Variants in ETFDH observed in about 807,000 individuals in gnomAD.
ETFDH encodes electron transfer flavoprotein dehydrogenase.
A neutral mutation model predicts 73.2 loss-of-function variants in ETFDH; 61 were observed. The observed-to-expected ratio is 0.83, with a 90% CI of 0.68 to 1.03. The LOEUF is 1.03. Among genes scored for constraint, ETFDH ranks in the 50% least tolerant of loss-of-function variants. The probability of loss-of-function intolerance (pLI) is 0.00; values close to 1 mark genes in which losing one functional copy is unlikely to be tolerated. For synonymous variants in ETFDH, 243 were observed against 253.3 expected (o/e 0.96, Z 0.39); for missense variants, 685 against 745.0 (o/e 0.92, Z 0.94).
At chr4:158,686,217 A>T (rs1774000357) in intron 5 of ETFDH, among the ~76,000 whole-genome samples, 1 of 152,140 alleles carries the variant, frequency 6.6e-6, no homozygotes, top group Non-Finnish European at 1.5e-5. Context: ...ATTTTAGCCT[A>T]TCATTTTCTG....
At chr4:158,701,855 A>G (rs1455374451) in intron 9 of ETFDH, among the ~76,000 whole-genome samples, 1 of 152,230 alleles carries the variant, frequency 6.6e-6, no homozygotes, top group East Asian at 1.9e-4. Flanking sequence ...TTCAGTTGCC[A>G]TATTGTGGGC....
At chr4:158,683,838 G>C (rs1773929022) in intron 3 of ETFDH, among the ~76,000 whole-genome samples, 1 of 152,160 alleles carries the variant, frequency 6.6e-6, no homozygotes, top group South Asian at 2.1e-4. Flanking sequence ...CTACAGGCCT[G>C]TGAGCCACCA....
At chr4:158,689,636 A>ATATATTTT (rs765147554) in intron 5 of ETFDH, among the ~76,000 whole-genome samples, 1 of 63,676 alleles carries the variant, frequency 1.6e-5, no homozygotes, top group African/African-American at 6.1e-5. Flanking sequence ...ATATATATAT[A>ATATATTTT]TTGTGGGGGG....
rs1774737079 is a variant in ETFDH at position 158,709,435 on chromosome 4, G to C, written c.*908G>C. On this transcript the variant is annotated 3_prime_UTR_variant, in exon 13 of 13. Coordinates refer to ENST00000511912, the MANE Select transcript of ETFDH (RefSeq NM_004453.4). ...TAATCCCAGCTACTTGGGAAGCTGA[G>C]GCAGGAGAATTGCTTGAACCCGGGA... The C allele has an allele frequency of 5.1e-6, 1 of 196,354 alleles. No homozygotes were observed. Among genetic ancestry groups the C allele is most frequent in the South Asian group, 1.2e-4 (1 of 8,264 alleles). 12.2% of individuals were successfully genotyped at this position (196,354 alleles called of 1,614,324 possible). A position where few individuals can be genotyped will look rare whatever the true frequency, so the allele number is the denominator to read the frequency against.
intron 9 of ETFDH, 48 bp downstream of exon 9, chr4:158,699,178 G>GAAT: frequency 6.8e-7 from 1 of 1,462,232 alleles, no homozygotes; most frequent in Non-Finnish European, 9.6e-7. Context: ...TATAAATTCA[G>GAAT]AATTGAACAT....
intron 2 of ETFDH, 141 bp from the exon 3 acceptor site, chr4:158,682,054 G>T: frequency 9.1e-7 from 1 of 1,095,844 alleles, no homozygotes. Context: ...ACAGTAATAT[G>T]CTTAATATAA....
At position 158,695,441 on chromosome 4, in the gene ETFDH, T is replaced by G. The variant is rs1774283414; in HGVS notation, c.685-56T>G. 11 of 1,438,828 alleles carry G rather than the reference T, an allele frequency of 7.6e-6. No homozygotes were observed. In the South Asian group the frequency reaches 8.1e-5, roughly 11 times the overall value. 89.1% of individuals were successfully genotyped at this position (1,438,828 alleles called of 1,614,324 possible). A position where few individuals can be genotyped will look rare whatever the true frequency, so the allele number is the denominator to read the frequency against. On this transcript the variant is annotated intron_variant, in intron 6 of 12. Transcript: ENST00000511912. ...TAGTTCAATTTAAATCTGACCAGAA[T>G]GTGAATGTATTTTAAATTGTCAAAT...
intron 6 of ETFDH, among the ~76,000 whole-genome samples, 190 bp from the exon 7 acceptor site, chr4:158,695,307 G>A (rs1186646852): frequency 6.6e-6 from 1 of 151,836 alleles, no homozygotes; most frequent in Non-Finnish European, 1.5e-5. Context: ...ATTTCCATGA[G>A]GTATTTTAAG....
chr4:158,686,809 AGGG>A (rs1774016698), intron 5 of ETFDH, among the ~76,000 whole-genome samples: 2 of 152,272 alleles, frequency 1.3e-5, no homozygotes, highest in Admixed American at 6.5e-5. Flanking sequence ...TACTCAGCAT[AGGG>A]GCTGAGTGCC....
intron 12 of ETFDH, among the ~76,000 whole-genome samples, chr4:158,707,749 C>T (rs1296084515): frequency 6.6e-6 from 1 of 152,132 alleles, no homozygotes; most frequent in East Asian, 1.9e-4. Flanking sequence ...TCAGAGATGC[C>T]ATAAAGTGCT....
intron 7 of ETFDH, among the ~76,000 whole-genome samples, chr4:158,696,896 G>A (rs969420861): frequency 6.6e-6 from 1 of 152,092 alleles, no homozygotes; most frequent in African/African-American, 2.4e-5. Flanking sequence ...TACCAGTACC[G>A]CAGAACTTTC....
chr4:158,706,500 A>T, intron 11 of ETFDH, 129 bp downstream of exon 11: 2 of 1,091,472 alleles, frequency 1.8e-6, no homozygotes, highest in South Asian at 1.3e-5. Context: ...TAAGAACAGT[A>T]TATTATTACT....
At chr4:158,676,291 C>T (rs1200202747) in intron 1 of ETFDH, among the ~76,000 whole-genome samples, 2 of 151,872 alleles carry the variant, frequency 1.3e-5, no homozygotes. Flanking sequence ...GGGAGCCAAA[C>T]GACCAGATGA....
At chr4:158,703,986 C>G (rs1774537626) in intron 10 of ETFDH, among the ~76,000 whole-genome samples, 1 of 152,144 alleles carries the variant, frequency 6.6e-6, no homozygotes, top group Non-Finnish European at 1.5e-5. Flanking sequence ...GTAATCCCAG[C>G]TACTTGGGAG....
intron 8 of ETFDH, 29 bp from the exon 9 acceptor site, chr4:158,698,958 C>T: frequency 6.9e-7 from 1 of 1,439,176 alleles, no homozygotes; most frequent in Non-Finnish European, 9.8e-7. Flanking sequence ...ATAAAAATGT[C>T]TAATTAAATA....
At chr4:158,684,803 C>A in intron 4 of ETFDH, 130 bp downstream of exon 4, 1 of 697,092 alleles carries the variant, frequency 1.4e-6, no homozygotes, top group South Asian at 1.6e-5. Flanking sequence ...TTACTCAAAG[C>A]TATACAGCTA....
In ETFDH at chr4:158,706,318, G is replaced by C. The variant is rs768181815; in HGVS notation, c.1415G>C (p.Gly472Ala). ...GTATATGGAGGGATGATTTACACTG[G>C]AATCTTTTACTGGATATTGAGAGGA... ...LGVYGGMIYT[G>A]IFYWILRGME... The change falls in exon 11 of 13, where the codon GGA becomes GCA. Residue 472 changes from glycine (G) to alanine (A), a missense_variant. Around this residue, in one of 3 missense-constraint regions of ETFDH, gnomAD observed 201 missense variants for 225.2 expected, o/e 0.89. Coordinates refer to ENST00000511912, the MANE Select transcript of ETFDH (RefSeq NM_004453.4). 6.2e-7 allele frequency: 1 copy of C among 1,613,478 alleles called. No homozygotes were observed. The highest frequency in any genetic ancestry group is 1.7e-5 in the Admixed American group (1 of 60,014).
Position 158,682,435 on chromosome 4 carries a change from T to C in ETFDH, c.405+11T>C, listed in dbSNP as rs1219230095. 1 of 1,600,124 alleles carries C rather than the reference T, an allele frequency of 6.2e-7. No homozygotes were observed. Among genetic ancestry groups the C allele is most frequent in the Non-Finnish European group, 8.6e-7 (1 of 1,167,540 alleles). On this transcript the variant is annotated intron_variant, in intron 3 of 12. Coordinates refer to ENST00000511912, the MANE Select transcript of ETFDH (RefSeq NM_004453.4). Reference sequence around the variant, plus strand: ...TGGAAAGAGAAGGGGGTATGAAAAATTGTTTTTTATACAAAGTCTAATCTT... The same window carrying C: ...TGGAAAGAGAAGGGGGTATGAAAAACTGTTTTTTATACAAAGTCTAATCTT...
intron 3 of ETFDH, among the ~76,000 whole-genome samples, chr4:158,682,811 A>C (rs1395696177): frequency 6.6e-6 from 1 of 152,210 alleles, no homozygotes; most frequent in Non-Finnish European, 1.5e-5. Flanking sequence ...CTGGGATTAC[A>C]GGCATGAGCC....
Sources: gnomAD v4.1 joint callset for allele counts (sites outside exome capture counted in the v4.1 genomes callset) on GRCh38, gnomAD v4.1.1 for gene constraint, gnomAD v4.1.1 regional missense constraint, MANE v1.5 for transcripts, NCBI Gene and HGNC (gene_info 2026-07-23, HGNC 2026-07-21) for gene names.